Variants in KCTD16 observed in about 807,000 individuals in gnomAD.
The protein encoded by KCTD16 is potassium channel tetramerization domain containing 16.
KCTD16 carries 13 observed loss-of-function variants against 33.2 expected under a neutral mutation model. That is an observed-to-expected ratio of 0.39 (90% CI 0.25 to 0.62). KCTD16 has a LOEUF of 0.62. Ranked by LOEUF, KCTD16 falls within the 20% of genes least tolerant of loss-of-function variation. The pLI, the probability that KCTD16 is intolerant of heterozygous loss-of-function variation, is 0.50. For missense variants in KCTD16, 441 were observed against 525.1 expected, an observed-to-expected ratio of 0.84 and a Z score of 1.57; for synonymous variants, 197 against 195.3, an observed-to-expected ratio of 1.01 and a Z score of -0.07.
In KCTD16 at chr5:144,200,288, A is replaced by G. The variant is rs1753018798; in HGVS notation, c.-326-6101A>G. The stretch of plus-strand genomic sequence containing the variant: ...TTTCATTTGTATTTTATGACAGTGG[A>G]AATCAGGAGTATTTTCAGGGAGAAA... On this transcript the variant is annotated intron_variant, in intron 2 of 3. Transcript: ENST00000512467. Among the ~76,000 whole-genome samples the G allele has an allele frequency of 2.0e-5, 3 of 152,174 alleles. 1 individual carries two copies. Among genetic ancestry groups the G allele is most frequent in the Non-Finnish European group, 2.9e-5 (2 of 68,028 alleles).
At chr5:144,458,932 A>G (rs1754132809) in intron 3 of KCTD16, among the ~76,000 whole-genome samples, 1 of 152,200 alleles carries the variant, frequency 6.6e-6, no homozygotes, top group African/African-American at 2.4e-5. Context: ...ACCAGAATGC[A>G]TATTTATCAT....
chr5:144,439,437 C>A, intron 3 of KCTD16: 1 of 339,450 alleles, frequency 2.9e-6, no homozygotes. Flanking sequence ...TCACATCTTA[C>A]TATTCCAGTG....
chr5:144,368,946 G>A (rs1408411134), intron 3 of KCTD16, among the ~76,000 whole-genome samples: 1 of 152,194 alleles, frequency 6.6e-6, no homozygotes, highest in African/African-American at 2.4e-5. Flanking sequence ...AGATTTATCT[G>A]TAAGAGGCTC....
At chr5:144,377,989 C>T (rs1406796261) in intron 3 of KCTD16, 1 of 152,172 alleles carries the variant, frequency 6.6e-6, no homozygotes, top group Non-Finnish European at 1.5e-5. Context: ...CTTGTCCTTT[C>T]ATATACATAG....
intron 3 of KCTD16, among the ~76,000 whole-genome samples, chr5:144,273,947 G>A (rs1263813618): frequency 1.3e-5 from 2 of 150,468 alleles, no homozygotes; most frequent in Non-Finnish European, 3.0e-5. Context: ...TATGTTATGT[G>A]TATTAAAATA....
chr5:144,406,260 G>A (rs1013089812), intron 3 of KCTD16, among the ~76,000 whole-genome samples: 1 of 152,152 alleles, frequency 6.6e-6, no homozygotes, highest in African/African-American at 2.4e-5. Context: ...CAGTGGCTGA[G>A]CGGCAATGAT....
intron 3 of KCTD16, among the ~76,000 whole-genome samples, chr5:144,464,510 T>TG (rs769893457): frequency 6.6e-6 from 1 of 152,168 alleles, no homozygotes; most frequent in Non-Finnish European, 1.5e-5. Flanking sequence ...CATCCTACAG[T>TG]GCAGAGGATG....
At chr5:144,199,935 G>A (rs950336561) in intron 2 of KCTD16, among the ~76,000 whole-genome samples, 6 of 151,638 alleles carry the variant, frequency 4.0e-5, no homozygotes, top group African/African-American at 1.5e-4. Context: ...GGATGGTCTC[G>A]ATCTCCTGAT....
intron 2 of KCTD16, among the ~76,000 whole-genome samples, chr5:144,175,415 A>G (rs1252979258): frequency 1.3e-5 from 2 of 152,276 alleles, no homozygotes; most frequent in Admixed American, 6.5e-5. Flanking sequence ...TAATTTATCT[A>G]AAATGCGATT....
rs116363854 is a variant in KCTD16, at chr5:144,204,921, T to C, written c.-326-1468T>C. On this transcript the variant is annotated intron_variant, in intron 2 of 3. Coordinates refer to ENST00000512467, the MANE Select transcript of KCTD16 (RefSeq NM_020768.4). ...TAGTTTGAACACTGGGGTCATTTGG[T>C]GTGCGTGTCTGTGTTTTAAAACAAG... 1.9e-3 allele frequency among the ~76,000 whole-genome samples: 289 copies of C among 151,390 alleles called. 1 individual carries two copies. Among genetic ancestry groups the C allele is most frequent in the African/African-American group, 6.7e-3 (277 of 41,240 alleles).
chr5:144,201,705 G>A (rs1187011994), intron 2 of KCTD16, among the ~76,000 whole-genome samples: 1 of 152,222 alleles, frequency 6.6e-6, no homozygotes, highest in East Asian at 1.9e-4. Flanking sequence ...GGCAGAACTG[G>A]AAGAGGGATA....
At chr5:144,306,043 T>G (rs1270573445) in intron 3 of KCTD16, among the ~76,000 whole-genome samples, 1 of 152,030 alleles carries the variant, frequency 6.6e-6, no homozygotes, top group Non-Finnish European at 1.5e-5. Flanking sequence ...CTTGGAGCAA[T>G]GAGGTTTGTT....
chr5:144,312,474 G>A (rs1751792273), intron 3 of KCTD16, among the ~76,000 whole-genome samples: 1 of 152,110 alleles, frequency 6.6e-6, no homozygotes, highest in Non-Finnish European at 1.5e-5. Flanking sequence ...CTGTACTTGT[G>A]GAAGGAAGCC....
intron 3 of KCTD16, among the ~76,000 whole-genome samples, chr5:144,224,548 A>T (rs1753870758): frequency 6.6e-6 from 1 of 152,056 alleles, no homozygotes; most frequent in East Asian, 1.9e-4. Flanking sequence ...TTCTGTAAAA[A>T]CACAGCCGGA....
At chr5:144,455,143 C>G (rs1468405742) in intron 3 of KCTD16, among the ~76,000 whole-genome samples, 2 of 151,878 alleles carry the variant, frequency 1.3e-5, no homozygotes, top group Non-Finnish European at 2.9e-5. Flanking sequence ...TCAGGACAGG[C>G]CTTTTCTCCT....
intron 3 of KCTD16, among the ~76,000 whole-genome samples, chr5:144,372,504 AAT>A (rs1212028274): frequency 6.6e-6 from 1 of 152,160 alleles, no homozygotes; most frequent in East Asian, 1.9e-4. Context: ...ATCATAATAT[AAT>A]GGTGGATGTT....
At chr5:144,345,696 TA>T (rs550383435) in intron 3 of KCTD16, among the ~76,000 whole-genome samples, 1,818 of 151,646 alleles carry the variant, frequency 0.012, 34 homozygotes, top group African/African-American at 0.04. Flanking sequence ...CCACAGACAT[TA>T]AAAAAAAATT....
At chr5:144,194,855 G>A (rs114339441) in intron 2 of KCTD16, among the ~76,000 whole-genome samples, 342 of 152,208 alleles carry the variant, frequency 2.2e-3, no homozygotes, top group African/African-American at 7.4e-3. Flanking sequence ...ATCATTTTTA[G>A]TACTTAAATT....
chr5:144,343,125 A>G (rs1400384756), intron 3 of KCTD16, among the ~76,000 whole-genome samples: 10 of 152,162 alleles, frequency 6.6e-5, no homozygotes, highest in Non-Finnish European at 8.8e-5. Context: ...CTCTTTTTCT[A>G]TTGATTGGAA....
Sources: gnomAD v4.1 joint callset for allele counts (sites outside exome capture counted in the v4.1 genomes callset) on GRCh38, gnomAD v4.1.1 for gene constraint, MANE v1.5 for transcripts, NCBI Gene and HGNC (gene_info 2026-07-23, HGNC 2026-07-21) for gene names.